The following RIMBP2 variants were observed in gnomAD, a reference collection of about 807,000 sequenced individuals.
The protein encoded by RIMBP2 is RIMS binding protein 2.
In RIMBP2, 48 loss-of-function variants were observed where a neutral mutation model predicts 118.6. That is an observed-to-expected ratio of 0.40 (90% confidence interval 0.32 to 0.51). The LOEUF is 0.51. Ranked by LOEUF, RIMBP2 falls within the 20% of genes least tolerant of loss-of-function variation. RIMBP2 has a pLI of 0.41. For missense variants in RIMBP2, 1,551 were observed against 1,768.3 expected, an observed-to-expected ratio of 0.88 and a Z score of 2.20; for synonymous variants, 762 against 742.9, an observed-to-expected ratio of 1.03 and a Z score of -0.42.
At chr12:130,630,427 ATATG>A (rs1428299284) in intron 1 of RIMBP2, among the ~76,000 whole-genome samples, 11 of 152,128 alleles carry the variant, frequency 7.2e-5, no homozygotes, top group African/African-American at 2.4e-4. Flanking sequence ...TCCTATATAT[ATATG>A]TATCAGTAGA....
intron 2 of RIMBP2, among the ~76,000 whole-genome samples, chr12:130,627,986 G>T (rs2061750199): frequency 6.6e-6 from 1 of 152,182 alleles, no homozygotes; most frequent in Non-Finnish European, 1.5e-5. Context: ...TTGTTCTTGA[G>T]ATTTAGAATC....
chr12:130,587,145 G>C (rs1254388684), intron 2 of RIMBP2, among the ~76,000 whole-genome samples: 4 of 151,084 alleles, frequency 2.6e-5, no homozygotes, highest in Non-Finnish European at 5.9e-5. Flanking sequence ...TCTCACACCA[G>C]TTAGAATGGT....
rs564975006 is a variant in RIMBP2, at chr12:130,434,589, C to T, written c.2253+145G>A. On this transcript the variant is annotated intron_variant, in intron 14 of 22. Transcript: ENST00000690449. This position sits in a 1 kb window ranked among gnomAD's most constrained non-coding sequence, Gnocchi z 5.7. ...AAATATAAACTTCAGAAACCTAGCA[C>T]GACTTAGGACCCCAGCTGGGCGTCT... The T allele has an allele frequency of 3.3e-5, 27 of 810,194 alleles. No individual in the cohort carries two copies. The highest frequency in any genetic ancestry group is 1.1e-4 in the East Asian group (4 of 36,314). 50.2% of individuals were successfully genotyped at this position (810,194 alleles called of 1,614,324 possible).
At chr12:130,507,147 G>A (rs1020971067) in intron 3 of RIMBP2, among the ~76,000 whole-genome samples, 5 of 152,128 alleles carry the variant, frequency 3.3e-5, no homozygotes, top group Non-Finnish European at 5.9e-5. Context: ...ATAGGAACCC[G>A]GAAGAACTCT....
intron 1 of RIMBP2, among the ~76,000 whole-genome samples, chr12:130,636,297 C>T (rs1445270255): frequency 6.6e-6 from 1 of 152,192 alleles, no homozygotes; most frequent in Non-Finnish European, 1.5e-5. Flanking sequence ...TACTGGCACT[C>T]TTGAGCACCA....
intron 4 of RIMBP2, among the ~76,000 whole-genome samples, chr12:130,491,600 A>G (rs2048646424): frequency 6.6e-6 from 1 of 151,900 alleles, no homozygotes; most frequent in African/African-American, 2.4e-5. Flanking sequence ...CACAACTTCC[A>G]CAAGCAGCTA....
At chr12:130,456,836 A>T in intron 6 of RIMBP2, 136 bp from the exon 7 acceptor site, 1 of 643,510 alleles carries the variant, frequency 1.6e-6, no homozygotes, top group Non-Finnish European at 2.7e-6. Flanking sequence ...TGTCTGTGAA[A>T]ATGCATGTGT....
intron 12 of RIMBP2, 147 bp downstream of exon 12, chr12:130,438,218 C>A: frequency 1.2e-6 from 1 of 836,566 alleles, no homozygotes; most frequent in Non-Finnish European, 1.9e-6. Context: ...CTGGGGTTCA[C>A]GCTGATGGAG....
chr12:130,519,688 G>A (rs984573960), intron 2 of RIMBP2, among the ~76,000 whole-genome samples: 3 of 152,114 alleles, frequency 2.0e-5, no homozygotes, highest in African/African-American at 7.2e-5. Context: ...CATGCCCCAA[G>A]GTAAACTAAG....
In RIMBP2 at chr12:130,704,797, G is replaced by T. The variant is rs576642431; in HGVS notation, c.-352+11425C>A. 1.4e-3 allele frequency among the ~76,000 whole-genome samples: 206 copies of T among 152,180 alleles called. 1 individual carries two copies. The highest frequency in any genetic ancestry group is 3.9e-3 in the African/African-American group (160 of 41,506). Reference sequence around the variant, plus strand: ...CCTGCAAGACGGGCCGAGGCTCCGGGGCTCCACCACCAGGGTCACCGGTTC... The same window carrying T: ...CCTGCAAGACGGGCCGAGGCTCCGGTGCTCCACCACCAGGGTCACCGGTTC... On this transcript the variant is annotated intron_variant, in intron 1 of 22. Coordinates refer to ENST00000690449, the MANE Select transcript of RIMBP2 (RefSeq NM_001393629.1).
intron 12 of RIMBP2, 31 bp downstream of exon 12, chr12:130,438,334 A>ATGCCCCC: frequency 7.4e-7 from 1 of 1,344,518 alleles, no homozygotes; most frequent in African/African-American, 1.4e-5. Context: ...GGGCCTAACA[A>ATGCCCCC]ACCCTCCCCA....
chr12:130,666,344 ACT>A (rs1346154638), intron 1 of RIMBP2, among the ~76,000 whole-genome samples: 1 of 151,834 alleles, frequency 6.6e-6, no homozygotes, highest in Non-Finnish European at 1.5e-5. Flanking sequence ...ACCCTGGAGG[ACT>A]CTCTGTTTAC....
chr12:130,426,120 C>G (rs969784001), intron 15 of RIMBP2: 2 of 152,304 alleles, frequency 1.3e-5, no homozygotes, highest in East Asian at 3.9e-4. Context: ...GTGAACCGGG[C>G]CAGCGGGGGC....
intron 17 of RIMBP2, 180 bp from the exon 18 acceptor site, chr12:130,414,486 C>T (rs1207856208): frequency 5.2e-6 from 3 of 575,450 alleles, no homozygotes; most frequent in Non-Finnish European, 9.0e-6. Flanking sequence ...ATTGGAGAAG[C>T]ACATAACCAC....
chr12:130,599,081 A>G (rs1455726127), intron 2 of RIMBP2, among the ~76,000 whole-genome samples: 1 of 152,248 alleles, frequency 6.6e-6, no homozygotes, highest in Non-Finnish European at 1.5e-5. Flanking sequence ...GGTGATGGAA[A>G]TATTGGAGAG....
chr12:130,429,453 C>G (rs1038590437), intron 14 of RIMBP2: 3 of 152,198 alleles, frequency 2.0e-5, no homozygotes, highest in African/African-American at 7.2e-5. Context: ...CACCTAGTCA[C>G]GTGGTAACGG....
At chr12:130,432,956 A>G (rs1006352965) in intron 14 of RIMBP2, among the ~76,000 whole-genome samples, 7 of 152,200 alleles carry the variant, frequency 4.6e-5, no homozygotes, top group African/African-American at 1.7e-4. Flanking sequence ...GATGGCCCCT[A>G]AGGTTAGGGA....
intron 4 of RIMBP2, among the ~76,000 whole-genome samples, chr12:130,501,908 T>C (rs1593548864): frequency 6.6e-6 from 1 of 152,376 alleles, no homozygotes; most frequent in East Asian, 1.9e-4. Context: ...CGTAATTTCT[T>C]GGCTCCTCAT....
rs569421187 is a variant in RIMBP2, at chr12:130,623,319, T to C, written c.-217+5003A>G. On this transcript the variant is annotated intron_variant, in intron 2 of 22. Transcript: ENST00000690449. This position sits in a 1 kb window ranked among gnomAD's most constrained non-coding sequence, Gnocchi z 4.1. ...CAGGTTTGTTACACAGGTATACATG[T>C]GCCACAGTGGTTTGCTGCACCCATC... Among the ~76,000 whole-genome samples the C allele has an allele frequency of 2.0e-5, 3 of 152,334 alleles. No homozygotes were observed. The South Asian group carries it at 6.2e-4, about 32-fold the overall frequency.
Sources: allele counts gnomAD v4.1 joint callset (sites outside exome capture counted in the v4.1 genomes callset), GRCh38; gene constraint gnomAD v4.1.1; non-coding constraint Gnocchi (gnomAD v3.1); transcripts MANE v1.5; gene names NCBI Gene and HGNC (gene_info 2026-07-23, HGNC 2026-07-21).